The following PITPNC1 variants were observed in gnomAD, a reference collection of about 807,000 sequenced individuals.
PITPNC1 encodes the protein phosphatidylinositol transfer protein cytoplasmic 1.
In PITPNC1, 18 loss-of-function variants were observed where a neutral mutation model predicts 44.7. That is an observed-to-expected ratio of 0.40 (90% CI 0.28 to 0.60). PITPNC1 has a LOEUF of 0.60. PITPNC1 is among the 20% of genes least tolerant of loss of function. PITPNC1 has a pLI of 0.39. For missense variants in PITPNC1, 290 were observed against 418.4 expected (o/e 0.69, Z 2.68); for synonymous variants, 141 against 149.6 (o/e 0.94, Z 0.42).
chr17:67,468,644 C>T (rs1298630544), intron 1 of PITPNC1, among the ~76,000 whole-genome samples: 2 of 151,262 alleles, frequency 1.3e-5, no homozygotes, highest in African/African-American at 2.4e-5. Flanking sequence ...ACCTCGTGAT[C>T]CGCCCACCTC....
intron 4 of PITPNC1, among the ~76,000 whole-genome samples, chr17:67,577,312 G>T (rs551535720): frequency 2.9e-4 from 43 of 148,580 alleles, no homozygotes; most frequent in Non-Finnish European, 5.8e-4. Flanking sequence ...TAAAAAGAAG[G>T]CCGGGCGCCT....
chr17:67,400,366 A>G (rs1362404923), intron 1 of PITPNC1, among the ~76,000 whole-genome samples: 2 of 152,202 alleles, frequency 1.3e-5, no homozygotes, highest in Non-Finnish European at 2.9e-5. Flanking sequence ...TGCTCGGGTG[A>G]CAAGATTGCC....
intron 6 of PITPNC1, among the ~76,000 whole-genome samples, chr17:67,660,016 G>C: frequency 6.6e-6 from 1 of 152,118 alleles, no homozygotes; most frequent in East Asian, 1.9e-4. Context: ...AAGTAGCTGG[G>C]ACTGCAGGCA....
At chr17:67,647,336 G>A (rs2042159331) in intron 6 of PITPNC1, among the ~76,000 whole-genome samples, 1 of 151,968 alleles carries the variant, frequency 6.6e-6, no homozygotes, top group Admixed American at 6.6e-5. Context: ...TGTTGCCCAG[G>A]CTGGAGTGCA....
chr17:67,537,729 T>C lies in PITPNC1; in HGVS notation c.197+4779T>C, dbSNP rs139888117. Among the ~76,000 whole-genome samples the C allele has an allele frequency of 3.6e-3, 543 of 152,194 alleles. 2 individuals carry two copies. The highest frequency in any genetic ancestry group is 0.012 in the African/African-American group (510 of 41,522). ...GGCTCACCTCTATAATCCTAGTTCTTTGGGAGGTCGAGGTGGGCGATCATG... is the reference window on the plus strand; with the variant it reads ...GGCTCACCTCTATAATCCTAGTTCTCTGGGAGGTCGAGGTGGGCGATCATG... On this transcript the variant is annotated intron_variant, in intron 2 of 8. Coordinates refer to ENST00000581322, the MANE Select transcript of PITPNC1 (RefSeq NM_012417.4).
chr17:67,625,148 G>A (rs1265477645), intron 5 of PITPNC1, among the ~76,000 whole-genome samples: 1 of 152,024 alleles, frequency 6.6e-6, no homozygotes, highest in Non-Finnish European at 1.5e-5. Context: ...GAAAGTAGAA[G>A]GGAAAGAGGA....
chr17:67,541,189 C>T (rs537215986), intron 2 of PITPNC1, among the ~76,000 whole-genome samples: 2 of 151,670 alleles, frequency 1.3e-5, no homozygotes, highest in East Asian at 1.9e-4. Flanking sequence ...CACTCCAGCC[C>T]GGGTGACGGA....
chr17:67,448,803 G>T (rs1222062285), intron 1 of PITPNC1, among the ~76,000 whole-genome samples: 1 of 152,114 alleles, frequency 6.6e-6, no homozygotes, highest in East Asian at 1.9e-4. Flanking sequence ...TGTTTGAGAT[G>T]GGGTCTTGCT....
chr17:67,492,087 T>TA (rs920545007), intron 1 of PITPNC1, among the ~76,000 whole-genome samples: 9 of 151,576 alleles, frequency 5.9e-5, no homozygotes, highest in African/African-American at 1.2e-4. Flanking sequence ...ACTAACTCCT[T>TA]AAAAAAAATC....
chr17:67,473,413 C>A (rs34524347), intron 1 of PITPNC1, among the ~76,000 whole-genome samples: 8,234 of 151,928 alleles, frequency 0.054, 257 homozygotes, highest in Middle Eastern at 0.11. Context: ...ACTGCAAGCT[C>A]CACCTCCTGG....
chr17:67,577,545 A>G (rs910405682), intron 4 of PITPNC1, among the ~76,000 whole-genome samples: 1 of 152,128 alleles, frequency 6.6e-6, no homozygotes, highest in African/African-American at 2.4e-5. Flanking sequence ...TGGGCGACAG[A>G]GCAAGACCCT....
intron 5 of PITPNC1, among the ~76,000 whole-genome samples, chr17:67,627,105 T>C (rs974817731): frequency 6.6e-6 from 1 of 152,022 alleles, no homozygotes; most frequent in African/African-American, 2.4e-5. Flanking sequence ...ATACAAAAAT[T>C]AGCCGGGCGT....
At chr17:67,405,915 A>G (rs573266528) in intron 1 of PITPNC1, among the ~76,000 whole-genome samples, 11 of 152,096 alleles carry the variant, frequency 7.2e-5, no homozygotes, top group Non-Finnish European at 1.3e-4. Flanking sequence ...CCCCTGTTCA[A>G]CATTTTCTAT....
intron 4 of PITPNC1, among the ~76,000 whole-genome samples, chr17:67,568,061 TG>T (rs1169111482): frequency 1.3e-5 from 2 of 152,178 alleles, no homozygotes; most frequent in African/African-American, 2.4e-5. Context: ...CAAGAATAGC[TG>T]TGGCAGTATT....
chr17:67,408,729 C>CCTTCCTTTCTTTCTTTCTTT (rs1420868805), intron 1 of PITPNC1: 57 of 131,384 alleles, frequency 4.3e-4, no homozygotes, highest in African/African-American at 1.6e-3. Flanking sequence ...TTCCTTCCTT[C>CCTTCCTTTCTTTCTTTCTTT]CTTTCTTTCT....
chr17:67,530,698 T>A (rs2144124975), intron 1 of PITPNC1, among the ~76,000 whole-genome samples: 1 of 152,338 alleles, frequency 6.6e-6, no homozygotes. Context: ...TCCCATTGCA[T>A]GTAAACATTT....
chr17:67,586,905 G>T (rs1452433130), intron 5 of PITPNC1, among the ~76,000 whole-genome samples: 2 of 152,224 alleles, frequency 1.3e-5, no homozygotes, highest in African/African-American at 4.8e-5. Flanking sequence ...GACCAAGATG[G>T]TGGTTTGAGC....
intron 5 of PITPNC1, among the ~76,000 whole-genome samples, chr17:67,584,358 C>G (rs2041281110): frequency 6.6e-6 from 1 of 152,120 alleles, no homozygotes; most frequent in Non-Finnish European, 1.5e-5. Context: ...TTCCTGGAAA[C>G]ATGAAGCTCT....
At chr17:67,484,428 C>T (rs1196564205) in intron 1 of PITPNC1, among the ~76,000 whole-genome samples, 2 of 152,194 alleles carry the variant, frequency 1.3e-5, no homozygotes, top group African/African-American at 2.4e-5. Flanking sequence ...GTCTTGACTT[C>T]GCATCAAATC....
Sources: allele counts gnomAD v4.1 joint callset (sites outside exome capture counted in the v4.1 genomes callset), GRCh38; gene constraint gnomAD v4.1.1; transcripts MANE v1.5; gene names NCBI Gene and HGNC (gene_info 2026-07-23, HGNC 2026-07-21).